The following ENDOU variants were observed in gnomAD, a reference collection of about 807,000 sequenced individuals.
ENDOU encodes the protein uridylate-specific endoribonuclease.
A neutral mutation model predicts 54.2 loss-of-function variants in ENDOU; 49 were observed. That is an observed-to-expected ratio of 0.90 (90% confidence interval 0.72 to 1.15). The LOEUF (loss-of-function observed/expected upper bound fraction) is 1.15, where lower values mean the gene tolerates loss of function less well. Ranked by LOEUF, ENDOU falls within the 50% of genes most tolerant of loss-of-function variation. The pLI is 0.00. For synonymous variants in ENDOU, 172 were observed against 190.5 expected, an observed-to-expected ratio of 0.90 and a Z score of 0.80; for missense variants, 458 against 511.4, an observed-to-expected ratio of 0.90 and a Z score of 1.01.
chr12:47,710,666 T>C lies in ENDOU; in HGVS notation c.*136A>G. ...TTATCTCTTTCCCATGTGGGCACTTTGGGATTTAGGAATGCTTCTCATTGC... is the reference window on the plus strand; with the variant it reads ...TTATCTCTTTCCCATGTGGGCACTTCGGGATTTAGGAATGCTTCTCATTGC... On this transcript the variant is annotated 3_prime_UTR_variant, in exon 10 of 10. Coordinates refer to ENST00000422538, the MANE Select transcript of ENDOU (RefSeq NM_001172439.2). 1.5e-6 allele frequency: 1 copy of C among 687,094 alleles called. No homozygotes were observed. Among genetic ancestry groups the C allele is most frequent in the Non-Finnish European group, 2.7e-6 (1 of 374,620 alleles). 42.6% of individuals were successfully genotyped at this position (687,094 alleles called of 1,614,324 possible).
At position 47,717,594 on chromosome 12, in the gene ENDOU, G is replaced by C; in HGVS notation, c.306C>G (p.His102Gln). Residue 102 changes from histidine to glutamine, a missense_variant, in exon 4 of 10, where the codon CAC becomes CAG. His to Gln is a conservative substitution (Grantham distance 24). Transcript: ENST00000422538. ...GGCAGCGGGCATTGCAGTGACATTG[G>C]TGGTGCTTGTCAAAGGCTTCGTAGC... The part of the protein sequence containing the change: ...GRCYEAFDKH[H>Q]QCHCNARCQE... 6.2e-7 allele frequency: 1 copy of C among 1,614,162 alleles called. No homozygotes were observed. Among genetic ancestry groups the C allele is most frequent in the Non-Finnish European group, 8.5e-7 (1 of 1,180,028 alleles).
intron 7 of ENDOU, 31 bp from the exon 8 acceptor site, chr12:47,712,653 G>T (rs763753593): frequency 1.3e-6 from 2 of 1,529,202 alleles, no homozygotes; most frequent in Admixed American, 1.7e-5. Context: ...TGGATAATCT[G>T]GGCTCCTTCC....
rs373636668 is a variant in ENDOU, at chr12:47,723,404, C to T, written c.55+1955G>A. Among the ~76,000 whole-genome samples, 69 of 152,232 alleles carry T rather than the reference C, an allele frequency of 4.5e-4. 1 individual carries two copies. The East Asian group carries it at 0.012, about 26-fold the overall frequency. Reference sequence around the variant, plus strand: ...CACCCTAACAACTCACTCCAGCATCCCCACACTGCACCATTAACACCAACA... The same window carrying T: ...CACCCTAACAACTCACTCCAGCATCTCCACACTGCACCATTAACACCAACA... On this transcript the variant is annotated intron_variant, in intron 1 of 9. Transcript: ENST00000422538.
intron 1 of ENDOU, among the ~76,000 whole-genome samples, chr12:47,721,946 A>G (rs1200306234): frequency 2.0e-5 from 3 of 152,190 alleles, no homozygotes; most frequent in African/African-American, 4.8e-5. Flanking sequence ...CTGAAACCTA[A>G]TTTGGACCAG....
At chr12:47,717,307 A>C (rs1475034262) in intron 4 of ENDOU, among the ~76,000 whole-genome samples, 1 of 152,206 alleles carries the variant, frequency 6.6e-6, no homozygotes, top group Non-Finnish European at 1.5e-5. Flanking sequence ...TTGAGCATGC[A>C]TCAGAACCAC....
chr12:47,716,501 T>TG lies in ENDOU; in HGVS notation c.552-3dup, dbSNP rs766273439. ...TTCTCATTGACATAAGTGAAGAGTC[T>TG]GGGGGAGGCAGAGGGGAGCCCCACT... On this transcript the variant is annotated splice_region_variant and splice_polypyrimidine_tract_variant and intron_variant, in intron 5 of 9. Transcript: ENST00000422538. The TG allele has an allele frequency of 1.9e-6, 3 of 1,613,086 alleles. No homozygotes were observed. Among genetic ancestry groups the TG allele is most frequent in the African/African-American group, 2.7e-5 (2 of 74,986 alleles).
chr12:47,718,273 C>T, intron 2 of ENDOU, 79 bp from the exon 3 acceptor site: 1 of 1,350,958 alleles, frequency 7.4e-7, no homozygotes, highest in South Asian at 1.3e-5. Flanking sequence ...TCTGTTTCCC[C>T]AGCCTCAGGG....
Position 47,710,931 on chromosome 12 carries a change from G to T in ENDOU, c.1116-12C>A. 6.3e-7 allele frequency: 1 copy of T among 1,589,660 alleles called. No individual in the cohort carries two copies. The highest frequency in any genetic ancestry group is 8.6e-7 in the Non-Finnish European group (1 of 1,158,936). ...GGCTTAACTGGCACCTGTGGGGAAAGAGCCTGAAATCAGAGGAGCTCCCCA... is the reference window on the plus strand; with the variant it reads ...GGCTTAACTGGCACCTGTGGGGAAATAGCCTGAAATCAGAGGAGCTCCCCA... On this transcript the variant is annotated splice_polypyrimidine_tract_variant and intron_variant, in intron 9 of 9. Transcript: ENST00000422538.
At chr12:47,716,599 G>T in intron 5 of ENDOU, 100 bp from the exon 6 acceptor site, 1 of 1,111,740 alleles carries the variant, frequency 9.0e-7, no homozygotes, top group South Asian at 1.4e-5. Flanking sequence ...GGCGAGGGCT[G>T]GGTTCAGGAG....
intron 6 of ENDOU, among the ~76,000 whole-genome samples, chr12:47,714,583 A>C (rs1045330633): frequency 3.9e-5 from 6 of 152,264 alleles, no homozygotes; most frequent in African/African-American, 9.6e-5. Context: ...AGATGGGAGT[A>C]GGGAACTTTG....
intron 1 of ENDOU, among the ~76,000 whole-genome samples, chr12:47,722,466 A>C (rs145185452): frequency 1.4e-4 from 21 of 152,342 alleles, no homozygotes; most frequent in Non-Finnish European, 1.9e-4. Flanking sequence ...TATTTGTAAG[A>C]ATTAAATGAG....
chr12:47,716,780 C>A, intron 5 of ENDOU, 110 bp downstream of exon 5: 1 of 1,138,362 alleles, frequency 8.8e-7, no homozygotes, highest in Non-Finnish European at 1.3e-6. Flanking sequence ...TATTTTTTTT[C>A]TGCTCTCCCT....
At position 47,717,663 on chromosome 12, in the gene ENDOU, G is replaced by A. The variant is rs1318140603; in HGVS notation, c.245-8C>T. On this transcript the variant is annotated splice_region_variant and splice_polypyrimidine_tract_variant and intron_variant, in intron 3 of 9. Transcript: ENST00000422538. ...TGGGTGCCGAGTACAAGTCTGAGAA[G>A]AGAGGGGTGGTGTGTCCCGGGCTGA... 1.2e-6 allele frequency: 2 copies of A among 1,613,638 alleles called. No homozygotes were observed. Among genetic ancestry groups the A allele is most frequent in the Non-Finnish European group, 8.5e-7 (1 of 1,179,928 alleles).
chr12:47,712,519 C>T lies in ENDOU; in HGVS notation c.969G>A (p.Gly323=), dbSNP rs1364542779. ...CTTTTCTAGTCCGTGTACTCACAGG[C>T]CCATCGTAGATGTGACTGTAATAGT... ...LVDYYSHIYD[G]PWDSYPDVLA... Residue 323 remains glycine, a synonymous_variant, in exon 8 of 10, where the codon GGG becomes GGA. Coordinates refer to ENST00000422538, the MANE Select transcript of ENDOU (RefSeq NM_001172439.2). 2 of 1,610,178 alleles carry T rather than the reference C, an allele frequency of 1.2e-6. No homozygotes were observed. Among genetic ancestry groups the T allele is most frequent in the East Asian group, 2.2e-5 (1 of 44,866 alleles).
At chr12:47,720,944 G>T in intron 1 of ENDOU, 69 bp from the exon 2 acceptor site, 3 of 1,487,596 alleles carry the variant, frequency 2.0e-6, no homozygotes, top group Non-Finnish European at 2.7e-6. Context: ...CCTCCTGCAG[G>T]AGGGTTCACA....
intron 5 of ENDOU, 114 bp from the exon 6 acceptor site, chr12:47,716,613 AG>A (rs1469350663): frequency 6.4e-6 from 6 of 931,342 alleles, no homozygotes; most frequent in Non-Finnish European, 8.2e-6. Flanking sequence ...TCAGGAGCCG[AG>A]GGGGCACTTC....
intron 1 of ENDOU, 150 bp downstream of exon 1, chr12:47,725,209 G>C: frequency 1.3e-6 from 1 of 798,010 alleles, no homozygotes. Context: ...CCTCAGACAA[G>C]GACAACCCAA....
chr12:47,722,400 T>C (rs369938405), intron 1 of ENDOU, among the ~76,000 whole-genome samples: 35 of 152,224 alleles, frequency 2.3e-4, no homozygotes, highest in African/African-American at 7.7e-4. Context: ...TGAACTTCTG[T>C]GCGTTGGTTT....
chr12:47,720,883 C>G lies in ENDOU; in HGVS notation c.56-8G>C, dbSNP rs1488495639. On this transcript the variant is annotated splice_region_variant and splice_polypyrimidine_tract_variant and intron_variant, in intron 1 of 9. Transcript: ENST00000422538. Reference sequence around the variant, plus strand: ...CACAGGATTCTATTTTTCCTATGGGCAGTAAAGGTCACCAACTCAGCTCTA... The same window carrying G: ...CACAGGATTCTATTTTTCCTATGGGGAGTAAAGGTCACCAACTCAGCTCTA... The G allele has an allele frequency of 1.3e-6, 2 of 1,535,816 alleles. No individual in the cohort carries two copies. Among genetic ancestry groups the G allele is most frequent in the Non-Finnish European group, 1.7e-6 (2 of 1,146,798 alleles).
Sources: allele counts gnomAD v4.1 joint callset (sites outside exome capture counted in the v4.1 genomes callset), GRCh38; gene constraint gnomAD v4.1.1; transcripts MANE v1.5; gene names NCBI Gene and HGNC (gene_info 2026-07-23, HGNC 2026-07-21).